Variants in SCAF4 observed in about 807,000 individuals in gnomAD.
The protein encoded by SCAF4 is SR-related and CTD-associated factor 4.
In SCAF4, 25 loss-of-function variants were observed where a neutral mutation model predicts 129.8. That is an observed-to-expected ratio of 0.19 (90% CI 0.14 to 0.27). The LOEUF (loss-of-function observed/expected upper bound fraction) is 0.27. Among genes scored for constraint, SCAF4 ranks in the 10% least tolerant of loss-of-function variants. The pLI is 1.00. For synonymous variants in SCAF4, 551 were observed against 497.7 expected, an observed-to-expected ratio of 1.11 and a Z score of -1.43; for missense variants, 1,246 against 1,457.1, an observed-to-expected ratio of 0.86 and a Z score of 2.36.
At chr21:31,727,706 G>A (rs1051178329) in intron 1 of SCAF4, among the ~76,000 whole-genome samples, 4 of 151,892 alleles carry the variant, frequency 2.6e-5, no homozygotes, top group South Asian at 2.1e-4. Context: ...CAGGAGAATC[G>A]CTTGAACCCA....
At chr21:31,678,269 C>T (rs1433575791) in intron 19 of SCAF4, among the ~76,000 whole-genome samples, 1 of 152,188 alleles carries the variant, frequency 6.6e-6, no homozygotes, top group Non-Finnish European at 1.5e-5. Context: ...ATGGCAATTA[C>T]ATCTACCAGT....
chr21:31,709,660 G>A (rs537105965), intron 1 of SCAF4, among the ~76,000 whole-genome samples: 8 of 152,176 alleles, frequency 5.3e-5, no homozygotes, highest in African/African-American at 1.9e-4. Flanking sequence ...ACCAGCAAGA[G>A]AACAGTCAGG....
At position 31,696,593 on chromosome 21, in the gene SCAF4, G is replaced by C. The variant is rs748452100; in HGVS notation, c.935C>G (p.Ser312Cys). 73 of 1,610,938 alleles carry C rather than the reference G, an allele frequency of 4.5e-5. No homozygotes were observed. Among genetic ancestry groups the C allele is most frequent in the Non-Finnish European group, 6.1e-5 (72 of 1,178,304 alleles). ...VPAAAAPAAA[S>C]PPPPQAPFGF... ...CAATGGTGCCTGTGGAGGAGGAGGA[G>C]AGGCAGCAGCGGGTGCAGCAGCAGC... Residue 312 changes from serine (S) to cysteine (C), a missense_variant, in exon 8 of 20, where the codon TCT becomes TGT. Physicochemically the swap from Ser to Cys is moderately radical, Grantham distance 112 (BLOSUM62 -1). Coordinates refer to ENST00000286835, the MANE Select transcript of SCAF4 (RefSeq NM_020706.2).
rs1266529369 is a variant in SCAF4 at position 31,688,467 on chromosome 21, G to A, written c.1886-3C>T. The A allele has an allele frequency of 1.9e-6, 3 of 1,611,318 alleles. No homozygotes were observed. The highest frequency in any genetic ancestry group is 2.5e-6 in the Non-Finnish European group (3 of 1,178,332). On this transcript the variant is annotated splice_polypyrimidine_tract_variant and splice_region_variant and intron_variant, in intron 15 of 19. Transcript: ENST00000286835. Reference sequence around the variant, plus strand: ...CTTCTTAGGAATTCCTTTCCAATCTGTGAGCGTGAAAGAAATTTAACAAGA... The same window carrying A: ...CTTCTTAGGAATTCCTTTCCAATCTATGAGCGTGAAAGAAATTTAACAAGA...
At chr21:31,697,514 G>C (rs1024815201) in intron 7 of SCAF4, among the ~76,000 whole-genome samples, 2 of 152,196 alleles carry the variant, frequency 1.3e-5, no homozygotes, top group Admixed American at 1.3e-4. Context: ...AGGTGATTAA[G>C]AAACATGATT....
At chr21:31,704,131 A>AC (rs1242626595) in intron 3 of SCAF4, among the ~76,000 whole-genome samples, 8 of 151,744 alleles carry the variant, frequency 5.3e-5, no homozygotes, top group East Asian at 3.9e-4. Flanking sequence ...GATACTACTG[A>AC]CCCCCAAGAT....
chr21:31,709,327 A>C (rs1042025806), intron 1 of SCAF4, among the ~76,000 whole-genome samples: 1 of 150,524 alleles, frequency 6.6e-6, no homozygotes, highest in African/African-American at 2.4e-5. Flanking sequence ...CAACGAATAA[A>C]TACTTACTGG....
chr21:31,696,288 A>T, intron 8 of SCAF4, 67 bp from the exon 9 acceptor site: 1 of 1,210,178 alleles, frequency 8.3e-7, no homozygotes, highest in Non-Finnish European at 1.2e-6. Context: ...CTTAAATTAC[A>T]GAAACAGAGT....
At chr21:31,707,039 T>TA (rs1485438264) in intron 1 of SCAF4, among the ~76,000 whole-genome samples, 2 of 152,100 alleles carry the variant, frequency 1.3e-5, no homozygotes, top group Non-Finnish European at 2.9e-5. Context: ...TTTTAAGAGG[T>TA]AAAATCATTC....
rs2049701626 is a variant in SCAF4 at position 31,671,712 on chromosome 21, C to G, written c.3131G>C (p.Arg1044Thr). 1 of 1,614,062 alleles carries G rather than the reference C, an allele frequency of 6.2e-7. No homozygotes were observed. Among genetic ancestry groups the G allele is most frequent in the Admixed American group, 1.7e-5 (1 of 60,008 alleles). ...GRRSPDRDRH[R>T]DLEERNRRSS... ...GCGTCTATTTCTCTCTTCCAAGTCT[C>G]TGTGCCTGTCCCGGTCAGGGCTCCT... is the stretch of plus-strand genomic sequence containing the variant. Residue 1044 changes from arginine (R) to threonine (T), a missense_variant, in exon 20 of 20, where the codon AGA becomes ACA. Arg to Thr is a moderately conservative substitution (Grantham distance 71). Transcript: ENST00000286835.
intron 19 of SCAF4, chr21:31,684,712 T>A (rs944415577): frequency 1.5e-5 from 4 of 268,678 alleles, no homozygotes; most frequent in African/African-American, 9.0e-5. Context: ...TTAAGTGAAT[T>A]ACGAACTCTG....
chr21:31,686,637 G>A (rs1022322222), intron 16 of SCAF4, among the ~76,000 whole-genome samples: 2 of 151,762 alleles, frequency 1.3e-5, no homozygotes, highest in East Asian at 1.9e-4. Context: ...CCCCAGCCAC[G>A]GACCATTACC....
rs750475933 is a variant in SCAF4 at position 31,694,191 on chromosome 21, T to C, written c.1322+13A>G. ...GATATACAGGGTTGGAAAAAACATTTTCTATAAATTACCTGGATGCTGACC... is the reference window on the plus strand; with the variant it reads ...GATATACAGGGTTGGAAAAAACATTCTCTATAAATTACCTGGATGCTGACC... On this transcript the variant is annotated intron_variant, in intron 11 of 19. Transcript: ENST00000286835. 8.4e-6 allele frequency: 13 copies of C among 1,541,424 alleles called. No individual in the cohort carries two copies. In the South Asian group the frequency reaches 1.4e-4, roughly 16 times the overall value.
Position 31,732,051 on chromosome 21 carries a change from G to A in SCAF4, c.-359C>T, listed in dbSNP as rs1430398588. On this transcript the variant is annotated 5_prime_UTR_variant, in exon 1 of 20. Coordinates refer to ENST00000286835, the MANE Select transcript of SCAF4 (RefSeq NM_020706.2). ...CACTGGCCCGGCCGGCGAGCGGGCGGGCCTCTCTCTCCCTCTCTCCAGCGG... is the reference window on the plus strand; with the variant it reads ...CACTGGCCCGGCCGGCGAGCGGGCGAGCCTCTCTCTCCCTCTCTCCAGCGG... The A allele has an allele frequency of 4.7e-6, 2 of 428,546 alleles. No individual in the cohort carries two copies. Among genetic ancestry groups the A allele is most frequent in the East Asian group, 3.6e-5 (1 of 27,942 alleles). The allele number at this position is 428,546 out of a possible 1,614,324, so 26.5% of individuals were successfully genotyped here.
intron 1 of SCAF4, among the ~76,000 whole-genome samples, chr21:31,717,890 T>TACAC (rs1465281491): frequency 1.9e-4 from 20 of 104,664 alleles, no homozygotes; most frequent in African/African-American, 8.4e-4. Context: ...TATATACACA[T>TACAC]ATATACACAT....
intron 4 of SCAF4, 31 bp from the exon 5 acceptor site, chr21:31,702,410 T>C (rs1429634885): frequency 6.3e-7 from 1 of 1,595,136 alleles, no homozygotes; most frequent in Non-Finnish European, 8.6e-7. Flanking sequence ...AAATATACAA[T>C]AAATATTTGC....
At chr21:31,695,519 CTATAAA>C (rs1313321472) in intron 9 of SCAF4, among the ~76,000 whole-genome samples, 1 of 152,116 alleles carries the variant, frequency 6.6e-6, no homozygotes, top group Non-Finnish European at 1.5e-5. Context: ...ACAAATAAAA[CTATAAA>C]TATAATGCTT....
In SCAF4 at chr21:31,696,891, G is replaced by A. The variant is rs961908544; in HGVS notation, c.778-141C>T. 16 of 674,948 alleles carry A rather than the reference G, an allele frequency of 2.4e-5. No homozygotes were observed. The African/African-American group carries it at 2.5e-4, about 11-fold the overall frequency. 41.8% of individuals were successfully genotyped at this position (674,948 alleles called of 1,614,324 possible). A position where few individuals can be genotyped will look rare whatever the true frequency, so the allele number is the denominator to read the frequency against. Reference sequence around the variant, plus strand: ...ATCTTATTTTCCCTTATGCCCCTCAGGACCTTGGTTTGTAGATATAAACAA... The same window carrying A: ...ATCTTATTTTCCCTTATGCCCCTCAAGACCTTGGTTTGTAGATATAAACAA... On this transcript the variant is annotated intron_variant, in intron 7 of 19. Coordinates refer to ENST00000286835, the MANE Select transcript of SCAF4 (RefSeq NM_020706.2).
rs1403243322 is a variant in SCAF4 at position 31,701,103 on chromosome 21, C to T, written c.669G>A (p.Val223=). ...KPQSPALDNA[V]MAQVQAITAQ... is the part of the protein sequence containing the mutation. ...CTGTGATAGCCTGAACCTGAGCCAT[C>T]ACAGCATTGTCAAGGGCAGGAGACT... Residue 223 remains valine (V), a synonymous_variant, in exon 7 of 20, where the codon GTG becomes GTA. Transcript: ENST00000286835. The T allele has an allele frequency of 6.2e-7, 1 of 1,613,874 alleles. No homozygotes were observed. The highest frequency in any genetic ancestry group is 1.7e-5 in the Admixed American group (1 of 59,996).
Sources: allele counts gnomAD v4.1 joint callset (sites outside exome capture counted in the v4.1 genomes callset), GRCh38; gene constraint gnomAD v4.1.1; transcripts MANE v1.5; gene names NCBI Gene and HGNC (gene_info 2026-07-23, HGNC 2026-07-21).